HDAC9: variants seen among roughly 807,000 people sequenced by gnomAD.
The protein encoded by HDAC9 is histone deacetylase 9.
HDAC9 carries 41 observed loss-of-function variants against 139.4 expected under a neutral mutation model. The ratio of observed to expected loss-of-function variants is 0.29; its 90% CI spans 0.23 to 0.38. The LOEUF is 0.38. HDAC9 is among the 10% of genes least tolerant of loss of function. HDAC9 has a pLI of 1.00. For missense variants in HDAC9, 1,147 were observed against 1,297.0 expected (o/e 0.88, Z 1.78); for synonymous variants, 517 against 476.2 (o/e 1.09, Z -1.12).
At chr7:18,882,139 T>A (rs1799786388) in intron 22 of HDAC9, among the ~76,000 whole-genome samples, 4 of 152,112 alleles carry the variant, frequency 2.6e-5, no homozygotes, top group Admixed American at 2.6e-4. Context: ...TTTTTTAAAG[T>A]AAGTCAGATG....
At chr7:18,345,361 T>A (rs1417124452) in intron 1 of HDAC9, among the ~76,000 whole-genome samples, 1 of 152,048 alleles carries the variant, frequency 6.6e-6, no homozygotes, top group African/African-American at 2.4e-5. Flanking sequence ...TTCTAAATTG[T>A]TAATCCATGC....
chr7:18,317,300 C>T (rs1799720543), intron 1 of HDAC9, among the ~76,000 whole-genome samples: 2 of 151,840 alleles, frequency 1.3e-5, no homozygotes, highest in Non-Finnish European at 1.5e-5. Context: ...AACTTTGTAT[C>T]ATATGTTTAT....
In HDAC9 at chr7:18,383,979, C is replaced by T. The variant is rs1342175240; in HGVS notation, c.-42+93464C>T. ...TTAAATGTACTAGTTACAAAACATA[C>T]TGGGTATGTTTTACAATGTTTTGTA... On this transcript the variant is annotated intron_variant, in intron 1 of 3. Transcript: ENST00000413509. Among the ~76,000 whole-genome samples the T allele has an allele frequency of 3.3e-5, 5 of 150,648 alleles. 1 individual carries two copies. Among genetic ancestry groups the T allele is most frequent in the Admixed American group, 3.3e-4 (5 of 15,166 alleles).
intron 1 of HDAC9, among the ~76,000 whole-genome samples, chr7:18,461,669 T>C (rs1793859704): frequency 6.6e-6 from 1 of 152,166 alleles, no homozygotes; most frequent in South Asian, 2.1e-4. Flanking sequence ...GTTGTCACTT[T>C]GTCACTTTTG....
intron 2 of HDAC9, among the ~76,000 whole-genome samples, chr7:18,551,136 A>G (rs1414904666): frequency 6.6e-6 from 1 of 152,240 alleles, no homozygotes; most frequent in Non-Finnish European, 1.5e-5. Flanking sequence ...CATGATTCCA[A>G]GGATTTGGGC....
chr7:18,279,828 T>G (rs1249057001), intron 2 of HDAC9, among the ~76,000 whole-genome samples: 1 of 152,176 alleles, frequency 6.6e-6, no homozygotes, highest in Non-Finnish European at 1.5e-5. Context: ...GCCTGATTCA[T>G]TTTTTATGTA....
intron 1 of HDAC9, among the ~76,000 whole-genome samples, chr7:18,331,510 T>C (rs1335764498): frequency 1.3e-5 from 2 of 151,644 alleles, no homozygotes; most frequent in East Asian, 3.9e-4. Flanking sequence ...TTTTTGACCC[T>C]GTAGTATCGC....
chr7:18,824,822 T>C (rs909464854), intron 17 of HDAC9, among the ~76,000 whole-genome samples: 2 of 152,192 alleles, frequency 1.3e-5, no homozygotes, highest in Non-Finnish European at 2.9e-5. Context: ...GTAAGAATAA[T>C]TACTGGAGGA....
At chr7:18,735,342 T>A (rs1170925466) in intron 13 of HDAC9, among the ~76,000 whole-genome samples, 1 of 152,214 alleles carries the variant, frequency 6.6e-6, no homozygotes, top group African/African-American at 2.4e-5. Flanking sequence ...TTGCCTAGGT[T>A]TTCTTCTAGG....
chr7:18,505,221 A>G (rs1366658918), intron 2 of HDAC9, among the ~76,000 whole-genome samples: 2 of 152,220 alleles, frequency 1.3e-5, no homozygotes, highest in Non-Finnish European at 2.9e-5. Flanking sequence ...TGATACACAG[A>G]TCATGAGGGT....
Position 18,900,498 on chromosome 7 carries a change from A to G in HDAC9, c.2803+25902A>G, listed in dbSNP as rs138340469. On this transcript the variant is annotated intron_variant, in intron 22 of 25. Transcript: ENST00000686413. ...GGCTAGTCCTGCTATATTAAGGGTT[A>G]TTGCCTTTCTGGCCCTCCCTGCAAT... Among the ~76,000 whole-genome samples, 49 of 152,210 alleles carry G rather than the reference A, an allele frequency of 3.2e-4. No individual in the cohort carries two copies. In the East Asian group the frequency reaches 8.7e-3, roughly 27 times the overall value.
intron 2 of HDAC9, among the ~76,000 whole-genome samples, chr7:18,186,969 A>C (rs1250385133): frequency 2.6e-5 from 4 of 152,222 alleles, no homozygotes; most frequent in African/African-American, 9.6e-5. Flanking sequence ...ACTGACTTTT[A>C]CTTCCCCAAA....
chr7:18,482,532 G>T (rs1795651765), intron 1 of HDAC9, among the ~76,000 whole-genome samples: 1 of 151,504 alleles, frequency 6.6e-6, no homozygotes, highest in African/African-American at 2.4e-5. Context: ...AAATACTTGA[G>T]ATGTTATTAG....
intron 2 of HDAC9, chr7:18,496,533 A>C (rs1796991218): frequency 3.8e-6 from 2 of 533,202 alleles, no homozygotes; most frequent in Non-Finnish European, 3.3e-6. Flanking sequence ...GCAGCTTCTG[A>C]ATGAAATTGC....
chr7:18,277,819 T>A (rs1430476693), intron 2 of HDAC9, among the ~76,000 whole-genome samples: 1 of 152,218 alleles, frequency 6.6e-6, no homozygotes, highest in Non-Finnish European at 1.5e-5. Flanking sequence ...GGAAATGCTT[T>A]GTAGTTATAG....
At chr7:18,564,721 A>G (rs972487032) in intron 2 of HDAC9, among the ~76,000 whole-genome samples, 3 of 152,082 alleles carry the variant, frequency 2.0e-5, no homozygotes, top group African/African-American at 7.2e-5. Flanking sequence ...TTGTATTAAC[A>G]TTTTACCATT....
At chr7:18,728,174 T>C (rs1366803522) in intron 13 of HDAC9, among the ~76,000 whole-genome samples, 5 of 152,214 alleles carry the variant, frequency 3.3e-5, no homozygotes, top group African/African-American at 9.7e-5. Flanking sequence ...TTTATTTCAC[T>C]GTTTTCTTCT....
At chr7:18,210,941 G>A (rs1269704898) in intron 2 of HDAC9, among the ~76,000 whole-genome samples, 1 of 152,126 alleles carries the variant, frequency 6.6e-6, no homozygotes, top group Non-Finnish European at 1.5e-5. Flanking sequence ...ATGATGTCAA[G>A]GGTAGGACAT....
At chr7:18,291,376 A>G (rs1797797861) in intron 1 of HDAC9, among the ~76,000 whole-genome samples, 3 of 152,070 alleles carry the variant, frequency 2.0e-5, no homozygotes, top group Admixed American at 1.3e-4. Context: ...CAGTATCCTT[A>G]AGAAAATTTC....
Sources: allele counts gnomAD v4.1 joint callset (sites outside exome capture counted in the v4.1 genomes callset), GRCh38; gene constraint gnomAD v4.1.1; transcripts MANE v1.5; gene names NCBI Gene and HGNC (gene_info 2026-07-23, HGNC 2026-07-21).